Variants in GPR137B observed in about 807,000 individuals in gnomAD.
The protein encoded by GPR137B is G protein-coupled receptor 137B.
In GPR137B, 42 loss-of-function variants were observed where a neutral mutation model predicts 42.5. The ratio of observed to expected loss-of-function variants is 0.99; its 90% CI spans 0.77 to 1.28. The LOEUF (loss-of-function observed/expected upper bound fraction) is 1.28, where lower values mean the gene tolerates loss of function less well. GPR137B is among the 50% of genes most tolerant of loss of function. The probability of loss-of-function intolerance (pLI) is 0.00; values close to 1 mark genes in which losing one functional copy is unlikely to be tolerated. For synonymous variants in GPR137B, 218 were observed against 209.7 expected (o/e 1.04, Z -0.34); for missense variants, 487 against 493.9 (o/e 0.99, Z 0.13).
At chr1:236,148,553 C>T (rs1661745700) in intron 1 of GPR137B, among the ~76,000 whole-genome samples, 1 of 152,190 alleles carries the variant, frequency 6.6e-6, no homozygotes, top group African/African-American at 2.4e-5. Context: ...TGAATGGACA[C>T]TGATGTGGGA....
Position 236,179,985 on chromosome 1 carries a change from G to A in GPR137B, c.794G>A (p.Ser265Asn), listed in dbSNP as rs1361368491. The A allele has an allele frequency of 6.2e-7, 1 of 1,613,824 alleles. No homozygotes were observed. ...ATCCTGTCATTTTCTCAGAACAAGA[G>A]CGTCCATTCCTTTGATTATGACTGG... Reference protein sequence around the residue: ...LFILSFSQNKSVHSFDYDWYN... With the variant: ...LFILSFSQNKNVHSFDYDWYN... The change falls in exon 4 of 7, where the codon AGC (serine) becomes AAC (asparagine). Residue 265 changes from serine (S) to asparagine (N), a missense_variant. Ser to Asn is a conservative substitution (Grantham distance 46, BLOSUM62 1). Transcript: ENST00000366592.
intron 1 of GPR137B, among the ~76,000 whole-genome samples, chr1:236,167,823 G>C (rs1007073496): frequency 1.3e-5 from 2 of 152,114 alleles, no homozygotes; most frequent in African/African-American, 2.4e-5. Context: ...TCCTTGTCTG[G>C]GGCGTGGAAG....
At chr1:236,147,084 C>T (rs1295676777) in intron 1 of GPR137B, among the ~76,000 whole-genome samples, 1 of 152,204 alleles carries the variant, frequency 6.6e-6, no homozygotes, top group Non-Finnish European at 1.5e-5. Flanking sequence ...GCTGGGATTG[C>T]AGGCGTGAGC....
Position 236,208,169 on chromosome 1 carries a change from C to G in GPR137B, c.*11C>G. 6.2e-7 allele frequency: 1 copy of G among 1,613,462 alleles called. No individual in the cohort carries two copies. ...CCAAGCCTTGGGTAGCATCAGTTAA[C>G]AGTTTTATGGACGATTCCTCAGATG... is the stretch of plus-strand genomic sequence containing the variant. On this transcript the variant is annotated 3_prime_UTR_variant, in exon 7 of 7. Coordinates refer to ENST00000366592, the MANE Select transcript of GPR137B (RefSeq NM_003272.4).
intron 1 of GPR137B, among the ~76,000 whole-genome samples, chr1:236,162,724 C>T (rs967075713): frequency 2.6e-5 from 4 of 152,238 alleles, no homozygotes; most frequent in African/African-American, 9.6e-5. Flanking sequence ...ATTGAGCCTG[C>T]AGGTGCACAG....
At chr1:236,197,919 C>T (rs540305181) in intron 5 of GPR137B, among the ~76,000 whole-genome samples, 34 of 152,270 alleles carry the variant, frequency 2.2e-4, no homozygotes, top group African/African-American at 7.2e-4. Context: ...CGAGGTTTCA[C>T]TATGTTGACC....
At chr1:236,200,266 T>C (rs1156304832) in intron 5 of GPR137B, among the ~76,000 whole-genome samples, 3 of 152,080 alleles carry the variant, frequency 2.0e-5, no homozygotes, top group Non-Finnish European at 4.4e-5. Flanking sequence ...TTTCATAGCC[T>C]ATCATATGGT....
At chr1:236,205,967 A>G (rs1487991932) in intron 6 of GPR137B, among the ~76,000 whole-genome samples, 1 of 152,230 alleles carries the variant, frequency 6.6e-6, no homozygotes, top group Non-Finnish European at 1.5e-5. Context: ...CTTTAATCAC[A>G]TGTTCTAAAG....
intron 5 of GPR137B, among the ~76,000 whole-genome samples, chr1:236,185,572 T>C (rs1338985459): frequency 6.6e-6 from 1 of 152,192 alleles, no homozygotes; most frequent in Admixed American, 6.5e-5. Flanking sequence ...CTTTTCTTTT[T>C]TGAGACAGGG....
Position 236,168,719 on chromosome 1 carries a change from C to T in GPR137B, c.428C>T (p.Ala143Val). Residue 143 changes from alanine (A) to valine (V), a missense_variant, in exon 2 of 7, where the codon GCC (alanine) becomes GTC (valine). Transcript: ENST00000366592. ...CTGTCGTTGCAGGTGATTTTCAAAG[C>T]CAAGTCAAAATATTCTCCAGAATTA... Reference protein sequence around the residue: ...NLYFTQVIFKAKSKYSPELLK... With the variant: ...NLYFTQVIFKVKSKYSPELLK... 6.2e-7 allele frequency: 1 copy of T among 1,612,686 alleles called. No individual in the cohort carries two copies.
At position 236,168,761 on chromosome 1, in the gene GPR137B, T is replaced by C. The variant is rs1192171443; in HGVS notation, c.464+6T>C. 2 of 1,583,176 alleles carry C rather than the reference T, an allele frequency of 1.3e-6. No individual in the cohort carries two copies. Among genetic ancestry groups the C allele is most frequent in the Non-Finnish European group, 8.7e-7 (1 of 1,151,896 alleles). Reference sequence around the variant, plus strand: ...CCAGAATTACTCAAATACCGGTAAGTACTGCAGGGCATCTCTTTCTGTGGT... The same window carrying C: ...CCAGAATTACTCAAATACCGGTAAGCACTGCAGGGCATCTCTTTCTGTGGT... On this transcript the variant is annotated splice_donor_region_variant and intron_variant, in intron 2 of 6. Transcript: ENST00000366592.
intron 5 of GPR137B, among the ~76,000 whole-genome samples, chr1:236,204,005 A>G (rs1202375499): frequency 1.3e-5 from 2 of 152,200 alleles, no homozygotes; most frequent in African/African-American, 4.8e-5. Flanking sequence ...CTTAGAGGAA[A>G]GGCTTGTAGT....
At chr1:236,202,571 A>G (rs535163022) in intron 5 of GPR137B, among the ~76,000 whole-genome samples, 1 of 152,050 alleles carries the variant, frequency 6.6e-6, no homozygotes, top group Middle Eastern at 3.2e-3. Context: ...TGGGAGCTGC[A>G]TGTAAGCCCT....
At chr1:236,181,573 A>G (rs924656008) in intron 4 of GPR137B, among the ~76,000 whole-genome samples, 2 of 152,228 alleles carry the variant, frequency 1.3e-5, no homozygotes, top group Admixed American at 6.5e-5. Flanking sequence ...TAAATCTTCT[A>G]ACATCTCAAT....
intron 6 of GPR137B, chr1:236,207,144 C>A: frequency 1.0e-6 from 1 of 985,108 alleles, no homozygotes; most frequent in Non-Finnish European, 1.2e-6. Context: ...GACAGAAGTA[C>A]TGAAGAAAAG....
intron 2 of GPR137B, among the ~76,000 whole-genome samples, chr1:236,170,796 T>G (rs900837093): frequency 8.5e-5 from 13 of 152,084 alleles, no homozygotes; most frequent in Admixed American, 8.5e-4. Flanking sequence ...GCCAACATGG[T>G]GAAACCCCGT....
intron 5 of GPR137B, among the ~76,000 whole-genome samples, chr1:236,204,096 C>T (rs1025902204): frequency 6.7e-5 from 10 of 150,212 alleles, no homozygotes; most frequent in Middle Eastern, 3.2e-3. Context: ...CTTCTTTCCC[C>T]GGTTTGAGGG....
chr1:236,200,853 T>C (rs952255471), intron 5 of GPR137B, among the ~76,000 whole-genome samples: 2 of 151,974 alleles, frequency 1.3e-5, no homozygotes, highest in Non-Finnish European at 2.9e-5. Context: ...ACATTAGTAT[T>C]GAGATGTGAG....
chr1:236,142,877 C>T lies in GPR137B; in HGVS notation c.255C>T (p.Cys85=), dbSNP rs187280347. Residue 85 remains cysteine, a synonymous_variant, in exon 1 of 7, where the codon TGC becomes TGT. Coordinates refer to ENST00000366592, the MANE Select transcript of GPR137B (RefSeq NM_003272.4). ...LSYQSVFLFL[C]LFWASLRTVL... is the part of the protein sequence containing the mutation. ...ACCAGAGCGTCTTCCTCTTTCTCTGCCTCTTCTGGGCCTCCCTGCGGACCG... is the reference window on the plus strand; with the variant it reads ...ACCAGAGCGTCTTCCTCTTTCTCTGTCTCTTCTGGGCCTCCCTGCGGACCG... The T allele has an allele frequency of 3.1e-6, 5 of 1,614,206 alleles. No homozygotes were observed. The Middle Eastern group carries it at 6.6e-4, about 213-fold the overall frequency.
Sources: allele counts gnomAD v4.1 joint callset (sites outside exome capture counted in the v4.1 genomes callset), GRCh38; gene constraint gnomAD v4.1.1; transcripts MANE v1.5; gene names NCBI Gene and HGNC (gene_info 2026-07-23, HGNC 2026-07-21).